ATG10: variants seen among roughly 807,000 people sequenced by gnomAD.
The protein encoded by ATG10 is autophagy related 10, also known as ubiquitin-like-conjugating enzyme ATG10.
A neutral mutation model predicts 32.1 loss-of-function variants in ATG10; 30 were observed. The ratio of observed to expected loss-of-function variants is 0.94; its 90% CI spans 0.70 to 1.27. ATG10 has a LOEUF of 1.27. Ranked by LOEUF, ATG10 falls within the 50% of genes most tolerant of loss-of-function variation. The pLI is 0.00. For missense variants in ATG10, 233 were observed against 262.3 expected (o/e 0.89, Z 0.77); for synonymous variants, 87 against 91.5 (o/e 0.95, Z 0.28).
intron 2 of ATG10, among the ~76,000 whole-genome samples, chr5:81,993,336 C>CTTCCTTCCTTCTTTCTTTCTTTCT (rs1554039310): frequency 3.2e-4 from 25 of 77,724 alleles, no homozygotes; most frequent in African/African-American, 1.5e-3. Flanking sequence ...TCCTTCCTTC[C>CTTCCTTCCTTCTTTCTTTCTTTCT]TTCTTTCTTT....
At chr5:82,156,398 G>A (rs971614094) in intron 3 of ATG10, among the ~76,000 whole-genome samples, 3 of 152,102 alleles carry the variant, frequency 2.0e-5, no homozygotes, top group African/African-American at 7.2e-5. Context: ...TAGAATTTTG[G>A]GGGTGGAGGC....
intron 3 of ATG10, among the ~76,000 whole-genome samples, chr5:82,137,388 G>A (rs1467247942): frequency 6.6e-6 from 1 of 152,132 alleles, no homozygotes; most frequent in African/African-American, 2.4e-5. Flanking sequence ...ACCTTCAAAT[G>A]TCGTTTTTGC....
At chr5:82,236,352 C>G (rs779907036) in intron 5 of ATG10, among the ~76,000 whole-genome samples, 3 of 152,136 alleles carry the variant, frequency 2.0e-5, no homozygotes, top group Non-Finnish European at 4.4e-5. Flanking sequence ...TTATGTACAA[C>G]AAATTGATAA....
chr5:82,181,240 T>C (rs1361915659), intron 5 of ATG10, among the ~76,000 whole-genome samples: 3 of 152,172 alleles, frequency 2.0e-5, no homozygotes, highest in Non-Finnish European at 2.9e-5. Context: ...ATTGATCTTA[T>C]TGGGATTTGA....
chr5:82,112,131 A>G (rs1396979689), intron 3 of ATG10, among the ~76,000 whole-genome samples: 3 of 151,890 alleles, frequency 2.0e-5, no homozygotes, highest in Admixed American at 1.3e-4. Context: ...AAGCTTTGAA[A>G]TTCTGTGGTT....
intron 5 of ATG10, among the ~76,000 whole-genome samples, chr5:82,243,082 G>T (rs1746871208): frequency 6.6e-6 from 1 of 152,008 alleles, no homozygotes; most frequent in South Asian, 2.1e-4. Flanking sequence ...CAGAATAATT[G>T]TACATTTTAT....
rs547426378 is a variant in ATG10, at chr5:82,155,099, A to G, written c.217-9300A>G. ...TGAATTTGAGTGTAGAAGTTTATTC[A>G]TGTGCTGAAGGAACTTGCAGTTTAT... On this transcript the variant is annotated intron_variant, in intron 3 of 7. Coordinates refer to ENST00000282185, the MANE Select transcript of ATG10 (RefSeq NM_031482.5). Among the ~76,000 whole-genome samples, 4 of 152,356 alleles carry G rather than the reference A, an allele frequency of 2.6e-5. No individual in the cohort carries two copies. In the East Asian group the frequency reaches 7.7e-4, roughly 29 times the overall value.
intron 3 of ATG10, among the ~76,000 whole-genome samples, chr5:82,114,514 A>C (rs1389944582): frequency 2.0e-5 from 3 of 152,094 alleles, no homozygotes; most frequent in Non-Finnish European, 4.4e-5. Context: ...AATTACAGCT[A>C]TATTTTGAGT....
intron 3 of ATG10, chr5:82,148,085 G>C (rs1455345862): frequency 6.6e-6 from 1 of 152,144 alleles, no homozygotes; most frequent in Non-Finnish European, 1.5e-5. Context: ...CCACCTGCTT[G>C]TTTTATTAAT....
At chr5:82,114,802 TGG>T (rs1315027763) in intron 3 of ATG10, among the ~76,000 whole-genome samples, 1 of 152,064 alleles carries the variant, frequency 6.6e-6, no homozygotes, top group Non-Finnish European at 1.5e-5. Flanking sequence ...TAAATCTCTG[TGG>T]GATCTAAGAC....
At chr5:82,008,711 GCC>G (rs909133196) in intron 2 of ATG10, among the ~76,000 whole-genome samples, 6 of 152,286 alleles carry the variant, frequency 3.9e-5, no homozygotes, top group African/African-American at 1.4e-4. Context: ...AGTTTATCAA[GCC>G]CAGGATCTGA....
chr5:82,028,447 A>G (rs896982636), intron 2 of ATG10, among the ~76,000 whole-genome samples: 4 of 152,184 alleles, frequency 2.6e-5, no homozygotes, highest in Non-Finnish European at 4.4e-5. Context: ...GGTGACTGCA[A>G]AAAAAGGCAT....
intron 2 of ATG10, among the ~76,000 whole-genome samples, chr5:82,011,302 T>C (rs754175417): frequency 1.1e-4 from 17 of 152,302 alleles, no homozygotes; most frequent in Non-Finnish European, 2.2e-4. Context: ...GATCATTACA[T>C]CAATTTATTC....
chr5:82,121,941 G>GTTTT (rs77349086), intron 3 of ATG10, among the ~76,000 whole-genome samples: 10 of 121,012 alleles, frequency 8.3e-5, no homozygotes, highest in African/African-American at 2.0e-4. Flanking sequence ...TTGGCCTGAA[G>GTTTT]TTTTTTTTTT....
intron 3 of ATG10, among the ~76,000 whole-genome samples, chr5:82,109,525 G>A (rs1163394044): frequency 2.6e-5 from 4 of 151,846 alleles, no homozygotes. Context: ...TCCAAAAGCT[G>A]TATAATGCTC....
rs1178883742 is a variant in ATG10 at position 82,123,764 on chromosome 5, C to CAAA, written c.217-40615_217-40613dup. ...GCAACACAGGGAGACACTGTCTGTA[C>CAAA]AAAAAAAAAAAAAAAAAAAAAATTA... is the stretch of plus-strand genomic sequence containing the variant. On this transcript the variant is annotated intron_variant, in intron 3 of 7. Coordinates refer to ENST00000282185, the MANE Select transcript of ATG10 (RefSeq NM_031482.5). Among the ~76,000 whole-genome samples, 462 of 56,600 alleles carry CAAA rather than the reference C, an allele frequency of 8.2e-3. 12 individuals carry two copies. The highest frequency in any genetic ancestry group is 0.028 in the Middle Eastern group (3 of 106). 37.1% of individuals were successfully genotyped at this position (56,600 alleles called of 152,430 possible). A position where few individuals can be genotyped will look rare whatever the true frequency, so the allele number is the denominator to read the frequency against.
intron 5 of ATG10, among the ~76,000 whole-genome samples, chr5:82,242,594 GAGA>G (rs1204419848): frequency 6.6e-6 from 1 of 152,090 alleles, no homozygotes; most frequent in African/African-American, 2.4e-5. Context: ...TAGAGAGAAA[GAGA>G]AGATCTTAAA....
At chr5:82,207,093 C>G (rs1444273341) in intron 5 of ATG10, among the ~76,000 whole-genome samples, 2 of 152,040 alleles carry the variant, frequency 1.3e-5, no homozygotes, top group Non-Finnish European at 2.9e-5. Context: ...TCCCCCTGCC[C>G]CAGGTTTTGA....
intron 5 of ATG10, among the ~76,000 whole-genome samples, chr5:82,200,346 A>G (rs1745016832): frequency 6.7e-6 from 1 of 150,308 alleles, no homozygotes; most frequent in African/African-American, 2.4e-5. Context: ...GTATCATACT[A>G]TGGTTTTTGT....
Sources: gnomAD v4.1 joint callset for allele counts (sites outside exome capture counted in the v4.1 genomes callset) on GRCh38, gnomAD v4.1.1 for gene constraint, MANE v1.5 for transcripts, NCBI Gene and HGNC (gene_info 2026-07-23, HGNC 2026-07-21) for gene names.